Variants in TESC observed in about 807,000 individuals in gnomAD.
TESC encodes tescalcin.
In TESC, 19 loss-of-function variants were observed where a neutral mutation model predicts 31.0. That is an observed-to-expected ratio of 0.61 (90% confidence interval 0.43 to 0.90). The LOEUF (loss-of-function observed/expected upper bound fraction) is 0.90, where lower values mean the gene tolerates loss of function less well. Among genes scored for constraint, TESC ranks in the 40% least tolerant of loss-of-function variants. The pLI is 0.00. For synonymous variants in TESC, 109 were observed against 114.8 expected (o/e 0.95, Z 0.32); for missense variants, 248 against 303.8 (o/e 0.82, Z 1.36).
chr12:117,075,709 T>C (rs1183668605), intron 1 of TESC, among the ~76,000 whole-genome samples: 1 of 150,674 alleles, frequency 6.6e-6, no homozygotes, highest in Admixed American at 6.7e-5. Context: ...CAGGCTGGAG[T>C]ACACTGGCAC....
At chr12:117,052,206 T>C (rs955634079) in intron 3 of TESC, among the ~76,000 whole-genome samples, 31 of 152,138 alleles carry the variant, frequency 2.0e-4, no homozygotes, top group African/African-American at 6.8e-4. Flanking sequence ...CCCCCTTAAC[T>C]TTCCAATTCT....
chr12:117,047,926 G>A (rs1280709635), intron 4 of TESC, among the ~76,000 whole-genome samples: 5 of 151,808 alleles, frequency 3.3e-5, no homozygotes, highest in Non-Finnish European at 7.4e-5. Context: ...TTATTTTGTA[G>A]AGGCAAGTGT....
intron 4 of TESC, among the ~76,000 whole-genome samples, chr12:117,048,528 C>T (rs1954600707): frequency 6.6e-6 from 1 of 152,114 alleles, no homozygotes; most frequent in African/African-American, 2.4e-5. Flanking sequence ...ACTCGGGAGC[C>T]AGAACATAGT....
chr12:117,083,391 T>C (rs1955175165), intron 1 of TESC, among the ~76,000 whole-genome samples: 1 of 152,188 alleles, frequency 6.6e-6, no homozygotes, highest in Admixed American at 6.5e-5. Context: ...CAATTCCATT[T>C]ATACCCGAGA....
At chr12:117,051,260 C>T (rs1389605895) in intron 3 of TESC, among the ~76,000 whole-genome samples, 1 of 152,226 alleles carries the variant, frequency 6.6e-6, no homozygotes, top group Non-Finnish European at 1.5e-5. Flanking sequence ...TTTCAGCACC[C>T]AGCAAATACA....
intron 6 of TESC, among the ~76,000 whole-genome samples, 189 bp from the exon 7 acceptor site, chr12:117,042,183 G>A (rs1372257606): frequency 6.6e-6 from 1 of 152,212 alleles, no homozygotes; most frequent in African/African-American, 2.4e-5. Context: ...CGGTCACCCT[G>A]AACCTCCAAT....
chr12:117,042,133 A>G (rs959659152), intron 6 of TESC, 139 bp from the exon 7 acceptor site: 10 of 842,054 alleles, frequency 1.2e-5, no homozygotes, highest in African/African-American at 5.1e-5. Context: ...AATCACAAGA[A>G]GAGGAGAACG....
chr12:117,062,270 G>A (rs1384211935), intron 2 of TESC, among the ~76,000 whole-genome samples: 3 of 151,720 alleles, frequency 2.0e-5, no homozygotes, highest in African/African-American at 7.3e-5. Flanking sequence ...CGCCCAGGCT[G>A]GAGCACAGTG....
Position 117,039,230 on chromosome 12 carries a change from G to GT in TESC, c.568-21dup. On this transcript the variant is annotated intron_variant, in intron 7 of 7. Coordinates refer to ENST00000335209, the MANE Select transcript of TESC (RefSeq NM_017899.4). ...CCAGATCTGGAAGGGACGGAGCAGCGTTAAGGGCACGTTCCCGCCGCCACC... is the reference window on the plus strand; with the variant it reads ...CCAGATCTGGAAGGGACGGAGCAGCGTTTAAGGGCACGTTCCCGCCGCCACC... The GT allele has an allele frequency of 6.2e-7, 1 of 1,609,130 alleles. No individual in the cohort carries two copies. The highest frequency in any genetic ancestry group is 1.1e-5 in the South Asian group (1 of 90,228).
At chr12:117,083,361 G>A (rs536946705) in intron 1 of TESC, among the ~76,000 whole-genome samples, 7 of 152,304 alleles carry the variant, frequency 4.6e-5, no homozygotes, top group Non-Finnish European at 8.8e-5. Flanking sequence ...TTACAGGCGT[G>A]AGCCACTGCG....
rs1172157385 is a variant in TESC at position 117,075,913 on chromosome 12, A to ATG, written c.59-575_59-574dup. ...TATATATATATATATATATATATAT[A>ATG]TGTGTGTGTGTATATATATATATAT... On this transcript the variant is annotated intron_variant, in intron 1 of 7. Transcript: ENST00000335209. Among the ~76,000 whole-genome samples the ATG allele has an allele frequency of 6.7e-3, 350 of 51,880 alleles. 4 individuals are homozygous for ATG. Among genetic ancestry groups the ATG allele is most frequent in the South Asian group, 0.013 (21 of 1,574 alleles). 34.0% of individuals were successfully genotyped at this position (51,880 alleles called of 152,430 possible).
chr12:117,040,898 C>T (rs1217190667), intron 7 of TESC, among the ~76,000 whole-genome samples: 1 of 152,222 alleles, frequency 6.6e-6, no homozygotes, highest in African/African-American at 2.4e-5. Context: ...GGCCAGAAGC[C>T]GTGATCCTTC....
At chr12:117,097,984 C>T (rs565759465) in intron 1 of TESC, among the ~76,000 whole-genome samples, 3 of 152,246 alleles carry the variant, frequency 2.0e-5, no homozygotes, top group East Asian at 3.9e-4. Flanking sequence ...TCTCTACACA[C>T]ACAGAGATAC....
rs544567396 is a variant in TESC, at chr12:117,042,558, CTCAGGGCCACTGGGGAGG to C, written c.520-582_520-565del. ...CATGCCTCGTGAGTCACCGTGATAACTCAGGGCCACTGGGGAGGGCAGGGCCAGAGGGTGGCCACAAGG... is the reference window on the plus strand; with the variant it reads ...CATGCCTCGTGAGTCACCGTGATAACGCAGGGCCAGAGGGTGGCCACAAGG... On this transcript the variant is annotated intron_variant, in intron 6 of 7. Coordinates refer to ENST00000335209, the MANE Select transcript of TESC (RefSeq NM_017899.4). Among the ~76,000 whole-genome samples, 20 of 139,396 alleles carry C rather than the reference CTCAGGGCCACTGGGGAGG, an allele frequency of 1.4e-4. No homozygotes were observed. In the South Asian group the frequency reaches 4.9e-3, roughly 34 times the overall value. 91.4% of individuals were successfully genotyped at this position (139,396 alleles called of 152,430 possible). A position where few individuals can be genotyped will look rare whatever the true frequency, so the allele number is the denominator to read the frequency against.
At chr12:117,041,316 C>T (rs1178714939) in intron 7 of TESC, among the ~76,000 whole-genome samples, 1 of 152,160 alleles carries the variant, frequency 6.6e-6, no homozygotes, top group African/African-American at 2.4e-5. Flanking sequence ...TTCCCAGAAT[C>T]CCTGTTCCAA....
chr12:117,065,261 G>T (rs1253018253), intron 2 of TESC, among the ~76,000 whole-genome samples: 2 of 152,218 alleles, frequency 1.3e-5, no homozygotes, highest in African/African-American at 4.8e-5. Flanking sequence ...GCCCAGGCCA[G>T]AGACCATGGC....
Position 117,093,290 on chromosome 12 carries a change from T to C in TESC, c.58+5935A>G, listed in dbSNP as rs148469235. Among the ~76,000 whole-genome samples the C allele has an allele frequency of 7.9e-4, 121 of 152,272 alleles. 2 individuals carry two copies. In the East Asian group the frequency reaches 0.017, roughly 22 times the overall value. ...ACTTAAAGACTTTAGAACCAAGAAG[T>C]ATTACCCAGGGGCGAGAACGCAGTG... On this transcript the variant is annotated intron_variant, in intron 1 of 7. Coordinates refer to ENST00000335209, the MANE Select transcript of TESC (RefSeq NM_017899.4).
At chr12:117,045,737 T>A (rs1230355504) in intron 6 of TESC, among the ~76,000 whole-genome samples, 1 of 152,140 alleles carries the variant, frequency 6.6e-6, no homozygotes, top group African/African-American at 2.4e-5. Context: ...CACAAAGCCG[T>A]CAGGGTGTCT....
intron 1 of TESC, among the ~76,000 whole-genome samples, chr12:117,088,821 G>C (rs77504478): frequency 0.016 from 2,397 of 152,324 alleles, 67 homozygotes; most frequent in African/African-American, 0.055. Flanking sequence ...GTAATGTCCA[G>C]CTAAATGGAA....
Sources: allele counts gnomAD v4.1 joint callset (sites outside exome capture counted in the v4.1 genomes callset), GRCh38; gene constraint gnomAD v4.1.1; transcripts MANE v1.5; gene names NCBI Gene and HGNC (gene_info 2026-07-23, HGNC 2026-07-21).